The following KAT6A variants were observed in gnomAD, a reference collection of about 807,000 sequenced individuals.
KAT6A encodes lysine acetyltransferase 6A.
Under a neutral mutation model 198.4 loss-of-function variants are expected in KAT6A, and 9 were observed. The ratio of observed to expected loss-of-function variants is 0.05; its 90% CI spans 0.03 to 0.08. KAT6A has a LOEUF of 0.08. Among genes scored for constraint, KAT6A ranks in the 10% least tolerant of loss-of-function variants. The probability of loss-of-function intolerance (pLI) is 1.00; values close to 1 mark genes in which losing one functional copy is unlikely to be tolerated. For missense variants in KAT6A, 2,077 were observed against 2,509.9 expected (o/e 0.83, Z 3.69); for synonymous variants, 890 against 883.0 (o/e 1.01, Z -0.14).
At position 41,931,628 on chromosome 8, in the gene KAT6A, TTAATAA is replaced by T. The variant is rs528672401; in HGVS notation, c.*571_*576del. The T allele has an allele frequency of 2.0e-3, 371 of 186,528 alleles. 1 individual carries two copies. The Middle Eastern group carries it at 0.021, about 11-fold the overall frequency. 11.6% of individuals were successfully genotyped at this position (186,528 alleles called of 1,614,324 possible). A position where few individuals can be genotyped will look rare whatever the true frequency, so the allele number is the denominator to read the frequency against. On this transcript the variant is annotated 3_prime_UTR_variant, in exon 17 of 17. Coordinates refer to ENST00000265713, the MANE Select transcript of KAT6A (RefSeq NM_006766.5). ...AGAAGCATTTTCCTGCCTCACTTTATTAATAATAATAATAATAATATTAACAATAAT... is the reference window on the plus strand; with the variant it reads ...AGAAGCATTTTCCTGCCTCACTTTATTAATAATAATAATATTAACAATAAT...
At chr8:41,979,405 G>A (rs1421804052) in intron 5 of KAT6A, among the ~76,000 whole-genome samples, 1 of 151,972 alleles carries the variant, frequency 6.6e-6, no homozygotes, top group East Asian at 1.9e-4. Context: ...TTGGGGGGCT[G>A]AGGTGGGCGG....
At chr8:41,940,585 C>T (rs1367180557) in intron 15 of KAT6A, among the ~76,000 whole-genome samples, 1 of 152,174 alleles carries the variant, frequency 6.6e-6, no homozygotes, top group Non-Finnish European at 1.5e-5. Flanking sequence ...AGTTTGTTTG[C>T]ATCCCAGGAG....
At position 42,025,409 on chromosome 8, in the gene KAT6A, C is replaced by T. The variant is rs527847262; in HGVS notation, c.600+22969G>A. ...TGTATTTTTAGTAGAGACGGGGTTT[C>T]GCCATGTTGGGTAGGCTGGTCTCGA... On this transcript the variant is annotated intron_variant, in intron 2 of 16. Coordinates refer to ENST00000265713, the MANE Select transcript of KAT6A (RefSeq NM_006766.5). 2.2e-4 allele frequency among the ~76,000 whole-genome samples: 31 copies of T among 139,624 alleles called. No homozygotes were observed. In the East Asian group the frequency reaches 4.4e-3, roughly 20 times the overall value. The allele number at this position is 139,624 out of a possible 152,430, so 91.6% of individuals were successfully genotyped here.
At chr8:41,956,940 AG>A (rs553489126) in intron 8 of KAT6A, 238 of 432,152 alleles carry the variant, frequency 5.5e-4, no homozygotes, top group African/African-American at 4.6e-3. Context: ...CACAACTCAA[AG>A]TAATAACAAC....
chr8:42,039,747 T>C (rs1424004099), intron 2 of KAT6A, among the ~76,000 whole-genome samples: 3 of 152,160 alleles, frequency 2.0e-5, no homozygotes, highest in African/African-American at 7.2e-5. Context: ...TTTTTGTTTT[T>C]TTTTGAGACG....
chr8:41,940,864 G>T lies in KAT6A; in HGVS notation c.3017C>A (p.Thr1006Lys), dbSNP rs1367493536. The T allele has an allele frequency of 1.9e-6, 3 of 1,612,468 alleles. No homozygotes were observed. Among genetic ancestry groups the T allele is most frequent in the Admixed American group, 1.7e-5 (1 of 59,994 alleles). Residue 1006 changes from threonine (T) to lysine (K), a missense_variant, in exon 15 of 17, where the codon ACA becomes AAA. Physicochemically the swap from Thr to Lys is moderately conservative, Grantham distance 78. This residue lies in a region of KAT6A where 301 missense variants were observed against 272.2 expected (regional missense o/e 1.11). Transcript: ENST00000265713. Reference sequence around the variant, plus strand: ...TACCTTTCGCTTCAGCGTGGGCTTTGTGAGAATTGGTGGCGAGCTTGACCG... The same window carrying T: ...TACCTTTCGCTTCAGCGTGGGCTTTTTGAGAATTGGTGGCGAGCTTGACCG... The part of the protein sequence containing the change: ...SPRSSSPPIL[T>K]KPTLKRKKPF...
At position 41,933,441 on chromosome 8, in the gene KAT6A, C is replaced by A. The variant is rs149912064; in HGVS notation, c.4779G>T (p.Ser1593=). 4 of 1,612,332 alleles carry A rather than the reference C, an allele frequency of 2.5e-6. No individual in the cohort carries two copies. The highest frequency in any genetic ancestry group is 3.4e-6 in the Non-Finnish European group (4 of 1,179,232). The change falls in exon 17 of 17, where the codon TCG becomes TCT. Residue 1593 remains serine, a synonymous_variant. Transcript: ENST00000265713. This position sits in a 1 kb window ranked among gnomAD's most constrained non-coding sequence, Gnocchi z 6.2. The part of the protein sequence containing the change: ...SQSSCSYGGL[S]SSSSLTQSSC... Reference sequence around the variant, plus strand: ...TGCTCTGGGTGAGGCTGCTGGAGGACGACAGCCCACCGTAGGAGCAGCTGC... The same window carrying A: ...TGCTCTGGGTGAGGCTGCTGGAGGAAGACAGCCCACCGTAGGAGCAGCTGC...
chr8:42,002,819 C>G (rs1255528689), intron 2 of KAT6A, among the ~76,000 whole-genome samples: 1 of 152,138 alleles, frequency 6.6e-6, no homozygotes, highest in African/African-American at 2.4e-5. Flanking sequence ...AGTCAAACAG[C>G]TTTGTACTTA....
chr8:41,982,908 G>A (rs1266291589), intron 3 of KAT6A, among the ~76,000 whole-genome samples: 1 of 152,162 alleles, frequency 6.6e-6, no homozygotes, highest in Admixed American at 6.5e-5. Context: ...CATATACAGA[G>A]TTCGGTTTTA....
chr8:41,981,531 T>C (rs557672250), intron 4 of KAT6A, among the ~76,000 whole-genome samples: 1 of 152,316 alleles, frequency 6.6e-6, no homozygotes, highest in East Asian at 1.9e-4. Flanking sequence ...TTGTAATTAA[T>C]ATATCAACTG....
intron 10 of KAT6A, 84 bp from the exon 11 acceptor site, chr8:41,947,996 A>T (rs1455075228): frequency 1.8e-6 from 2 of 1,137,648 alleles, no homozygotes; most frequent in Non-Finnish European, 2.5e-6. Flanking sequence ...GCATCTCTAG[A>T]TATCCACAGT....
At chr8:41,959,159 G>C (rs75451185) in intron 8 of KAT6A, among the ~76,000 whole-genome samples, 3 of 82,878 alleles carry the variant, frequency 3.6e-5, no homozygotes, top group African/African-American at 5.0e-5. Flanking sequence ...AGACTGTCTC[G>C]AAAAAAAAAA....
chr8:42,049,106 T>A lies in KAT6A; in HGVS notation c.-129A>T. ...ACCATAGCATATGAGTTTTCTGGCC[T>A]AAGTCCTTCCTCCTTTCACAAAACA... is the stretch of plus-strand genomic sequence containing the variant. On this transcript the variant is annotated 5_prime_UTR_variant, in exon 2 of 17. Coordinates refer to ENST00000265713, the MANE Select transcript of KAT6A (RefSeq NM_006766.5). 1 of 945,650 alleles carries A rather than the reference T, an allele frequency of 1.1e-6. No individual in the cohort carries two copies. Among genetic ancestry groups the A allele is most frequent in the Non-Finnish European group, 1.6e-6 (1 of 630,830 alleles). The allele number at this position is 945,650 out of a possible 1,614,324, so 58.6% of individuals were successfully genotyped here. A position where few individuals can be genotyped will look rare whatever the true frequency, so the allele number is the denominator to read the frequency against.
In KAT6A at chr8:41,949,372, G is replaced by T; in HGVS notation, c.1599-9C>A. 1 of 1,474,918 alleles carries T rather than the reference G, an allele frequency of 6.8e-7. No individual in the cohort carries two copies. Among genetic ancestry groups the T allele is most frequent in the South Asian group, 1.5e-5 (1 of 66,008 alleles). The allele number at this position is 1,474,918 out of a possible 1,614,324, so 91.4% of individuals were successfully genotyped here. ...GATACAATTTGGGCAGCCTGTAAAC[G>T]ATAATTAAACAAAAAAGACAGGGCT... On this transcript the variant is annotated splice_polypyrimidine_tract_variant and intron_variant, in intron 9 of 16. Coordinates refer to ENST00000265713, the MANE Select transcript of KAT6A (RefSeq NM_006766.5).
chr8:42,024,560 A>G (rs749553252), intron 2 of KAT6A, among the ~76,000 whole-genome samples: 38 of 152,144 alleles, frequency 2.5e-4, no homozygotes, highest in Non-Finnish European at 5.3e-4. Context: ...GTATGTTTGT[A>G]CCCATTAACC....
At chr8:41,968,771 T>C (rs1564029407) in intron 8 of KAT6A, among the ~76,000 whole-genome samples, 1 of 152,156 alleles carries the variant, frequency 6.6e-6, no homozygotes. Flanking sequence ...CAAAAACCTA[T>C]ACTACTAATT....
At chr8:41,948,024 G>A (rs1191719190) in intron 10 of KAT6A, 112 bp from the exon 11 acceptor site, 1 of 813,288 alleles carries the variant, frequency 1.2e-6, no homozygotes, top group East Asian at 3.1e-5. Context: ...AGGAGAAGGT[G>A]TCCATGACCA....
intron 2 of KAT6A, among the ~76,000 whole-genome samples, chr8:42,014,512 G>A (rs373513265): frequency 3.2e-4 from 48 of 152,250 alleles, no homozygotes; most frequent in African/African-American, 1.1e-3. Context: ...AAACACACAC[G>A]CAGAAATGCC....
chr8:41,980,700 C>T (rs1824308368), intron 5 of KAT6A, 146 bp downstream of exon 5: 1 of 662,514 alleles, frequency 1.5e-6, no homozygotes, highest in Admixed American at 2.1e-5. Flanking sequence ...TATCCCCCCA[C>T]CTTTTAAGGT....
Sources: allele counts gnomAD v4.1 joint callset (sites outside exome capture counted in the v4.1 genomes callset), GRCh38; gene constraint gnomAD v4.1.1; regional missense constraint gnomAD v4.1.1; non-coding constraint Gnocchi (gnomAD v3.1); transcripts MANE v1.5; gene names NCBI Gene and HGNC (gene_info 2026-07-23, HGNC 2026-07-21).